PCDH9: variants seen among roughly 807,000 people sequenced by gnomAD.
The protein encoded by PCDH9 is protocadherin 9, also known as protocadherin-9.
Under a neutral mutation model 70.6 loss-of-function variants are expected in PCDH9, and 24 were observed. That is an observed-to-expected ratio of 0.34 (90% CI 0.25 to 0.48). The LOEUF (loss-of-function observed/expected upper bound fraction) is 0.48, where lower values mean the gene tolerates loss of function less well. PCDH9 is among the 20% of genes least tolerant of loss of function. The probability of loss-of-function intolerance (pLI) is 0.99; values close to 1 mark genes in which losing one functional copy is unlikely to be tolerated. For missense variants in PCDH9, 1,281 were observed against 1,503.6 expected (o/e 0.85, Z 2.45); for synonymous variants, 562 against 558.5 (o/e 1.01, Z -0.09).
At chr13:66,315,696 G>T (rs1414645891) in intron 4 of PCDH9, among the ~76,000 whole-genome samples, 1 of 152,108 alleles carries the variant, frequency 6.6e-6, no homozygotes, top group Non-Finnish European at 1.5e-5. Context: ...GGTCAGGCTG[G>T]TCTCGAACTC....
chr13:67,141,760 A>G (rs930232357), intron 2 of PCDH9, among the ~76,000 whole-genome samples: 4 of 140,326 alleles, frequency 2.9e-5, no homozygotes, highest in African/African-American at 1.0e-4. Context: ...TCTTAAAAAA[A>G]AAAAAAAGAA....
intron 2 of PCDH9, among the ~76,000 whole-genome samples, chr13:67,132,969 C>A (rs1431084597): frequency 1.3e-5 from 2 of 152,002 alleles, no homozygotes; most frequent in Non-Finnish European, 2.9e-5. Flanking sequence ...TGTACCAGAG[C>A]TTAAAATGGC....
chr13:66,339,981 A>G (rs1956099191), intron 4 of PCDH9, among the ~76,000 whole-genome samples: 1 of 152,150 alleles, frequency 6.6e-6, no homozygotes, highest in African/African-American at 2.4e-5. Flanking sequence ...TTAGCAACTT[A>G]CTGACATGAA....
chr13:66,308,356 A>C (rs1404852981), intron 4 of PCDH9, among the ~76,000 whole-genome samples: 1 of 152,070 alleles, frequency 6.6e-6, no homozygotes, highest in African/African-American at 2.4e-5. Flanking sequence ...TGTACTTCCC[A>C]TGATTCATTC....
At chr13:66,863,704 C>A (rs1247304705) in intron 3 of PCDH9, among the ~76,000 whole-genome samples, 1 of 152,064 alleles carries the variant, frequency 6.6e-6, no homozygotes, top group Non-Finnish European at 1.5e-5. Flanking sequence ...GCCAGATGGT[C>A]TTGATCTCCC....
chr13:66,572,472 T>C (rs1269431069), intron 4 of PCDH9, among the ~76,000 whole-genome samples: 1 of 152,124 alleles, frequency 6.6e-6, no homozygotes, highest in African/African-American at 2.4e-5. Context: ...TATTCGTCTT[T>C]CTGGGCCTGG....
At chr13:66,790,284 G>T (rs2080143877) in intron 3 of PCDH9, among the ~76,000 whole-genome samples, 1 of 151,992 alleles carries the variant, frequency 6.6e-6, no homozygotes, top group Admixed American at 6.6e-5. Flanking sequence ...TTCCCCAAAA[G>T]ATTTGGTTGT....
In PCDH9 at chr13:66,978,823, T is replaced by C. The variant is rs2083676877; in HGVS notation, c.3037-75218A>G. 3.3e-5 allele frequency among the ~76,000 whole-genome samples: 5 copies of C among 150,540 alleles called. No individual in the cohort carries two copies. In the South Asian group the frequency reaches 1.0e-3, roughly 31 times the overall value. On this transcript the variant is annotated intron_variant, in intron 2 of 4. Coordinates refer to ENST00000377865, the MANE Select transcript of PCDH9 (RefSeq NM_203487.3). ...ATAAATGTATGTATATATGTGTGTA[T>C]ATATATGAATATGAATGTATGTATA...
intron 4 of PCDH9, among the ~76,000 whole-genome samples, chr13:66,416,302 A>C (rs1292630440): frequency 6.7e-6 from 1 of 149,578 alleles, no homozygotes; most frequent in Non-Finnish European, 1.5e-5. Flanking sequence ...TCATTAGCCC[A>C]CGGAAGGAAG....
At chr13:66,934,550 A>T (rs2082874197) in intron 2 of PCDH9, among the ~76,000 whole-genome samples, 1 of 149,076 alleles carries the variant, frequency 6.7e-6, no homozygotes, top group Non-Finnish European at 1.5e-5. Context: ...CCAAAAAAAA[A>T]AAAAAAAGAA....
At chr13:66,934,765 G>C (rs1253145199) in intron 2 of PCDH9, among the ~76,000 whole-genome samples, 1 of 111,742 alleles carries the variant, frequency 8.9e-6, no homozygotes, top group Non-Finnish European at 1.7e-5. Context: ...CTGTCGCCCA[G>C]GCTGGAGTGC....
intron 2 of PCDH9, among the ~76,000 whole-genome samples, chr13:67,044,333 G>A (rs897266986): frequency 6.6e-6 from 1 of 152,148 alleles, no homozygotes; most frequent in Non-Finnish European, 1.5e-5. Flanking sequence ...CTTATTACTA[G>A]TGAGGCTAGA....
chr13:66,594,116 T>C (rs910767454), intron 4 of PCDH9, among the ~76,000 whole-genome samples: 4 of 151,804 alleles, frequency 2.6e-5, no homozygotes, highest in African/African-American at 9.7e-5. Flanking sequence ...AAGTGATGCA[T>C]TGGGACAGAA....
At chr13:66,491,033 A>G (rs1304525236) in intron 4 of PCDH9, among the ~76,000 whole-genome samples, 1 of 152,172 alleles carries the variant, frequency 6.6e-6, no homozygotes, top group Non-Finnish European at 1.5e-5. Flanking sequence ...TGATTGATAT[A>G]TACATTATTT....
intron 4 of PCDH9, among the ~76,000 whole-genome samples, chr13:66,434,226 C>T (rs1401760565): frequency 6.6e-6 from 1 of 151,836 alleles, no homozygotes; most frequent in Admixed American, 6.6e-5. Flanking sequence ...TATGATTTTA[C>T]ATGAATCTTT....
intron 3 of PCDH9, among the ~76,000 whole-genome samples, chr13:66,708,387 TG>T (rs1413224688): frequency 1.3e-5 from 2 of 149,144 alleles, no homozygotes; most frequent in African/African-American, 4.9e-5. Context: ...AACTTTCAAG[TG>T]TACTTTGAGA....
chr13:67,153,589 C>T (rs1362540082), intron 2 of PCDH9, among the ~76,000 whole-genome samples: 1 of 152,204 alleles, frequency 6.6e-6, no homozygotes, highest in Non-Finnish European at 1.5e-5. Flanking sequence ...TTCATAACAT[C>T]TATGGATGTC....
chr13:67,172,962 G>T (rs184403889), intron 2 of PCDH9, among the ~76,000 whole-genome samples: 21 of 150,398 alleles, frequency 1.4e-4, no homozygotes, highest in Admixed American at 1.0e-3. Flanking sequence ...CTTAAATATT[G>T]CAGGACTAAC....
intron 4 of PCDH9, among the ~76,000 whole-genome samples, chr13:66,308,187 T>G (rs559583546): frequency 6.6e-6 from 1 of 152,212 alleles, no homozygotes; most frequent in African/African-American, 2.4e-5. Context: ...ATAGACTTTG[T>G]GCTAAGGTAC....
Sources: gnomAD v4.1 joint callset for allele counts (sites outside exome capture counted in the v4.1 genomes callset) on GRCh38, gnomAD v4.1.1 for gene constraint, MANE v1.5 for transcripts, NCBI Gene and HGNC (gene_info 2026-07-23, HGNC 2026-07-21) for gene names.